The following CAMSAP1 variants were observed in gnomAD, a reference collection of about 807,000 sequenced individuals.
CAMSAP1 encodes the protein calmodulin regulated spectrin associated protein 1.
Under a neutral mutation model 143.5 loss-of-function variants are expected in CAMSAP1, and 58 were observed. That is an observed-to-expected ratio of 0.40 (90% CI 0.33 to 0.50). The LOEUF (loss-of-function observed/expected upper bound fraction) is 0.50. Ranked by LOEUF, CAMSAP1 falls within the 20% of genes least tolerant of loss-of-function variation. The pLI is 0.45. For synonymous variants in CAMSAP1, 945 were observed against 859.3 expected, an observed-to-expected ratio of 1.10 and a Z score of -1.74; for missense variants, 1,969 against 2,115.7, an observed-to-expected ratio of 0.93 and a Z score of 1.36.
At chr9:135,904,788 T>A (rs1838721991) in intron 1 of CAMSAP1, among the ~76,000 whole-genome samples, 1 of 151,610 alleles carries the variant, frequency 6.6e-6, no homozygotes, top group Admixed American at 6.6e-5. Flanking sequence ...CAATATGGAG[T>A]AACCCGTCTC....
At chr9:135,834,800 G>C (rs548096450) in intron 7 of CAMSAP1, among the ~76,000 whole-genome samples, 2 of 152,292 alleles carry the variant, frequency 1.3e-5, no homozygotes, top group East Asian at 3.9e-4. Context: ...GTGAAGAGAT[G>C]GATGTTAACT....
Position 135,820,933 on chromosome 9 carries a change from G to A in CAMSAP1, c.3728C>T (p.Ala1243Val), listed in dbSNP as rs377349956. The A allele has an allele frequency of 2.5e-5, 40 of 1,613,650 alleles. No individual in the cohort carries two copies. Among genetic ancestry groups the A allele is most frequent in the Non-Finnish European group, 3.2e-5 (38 of 1,179,828 alleles). Residue 1243 changes from alanine (A) to valine (V), a missense_variant, in exon 11 of 17, where the codon GCC (alanine) becomes GTC (valine). By Grantham distance (64) the Ala-to-Val change is moderately conservative. Around this residue, in one of 4 missense-constraint regions of CAMSAP1, gnomAD observed 1,390 missense variants for 1,420.8 expected, o/e 0.98. Coordinates refer to ENST00000389532, the MANE Select transcript of CAMSAP1 (RefSeq NM_015447.4). The surrounding 1 kb of genome is among the most constrained non-coding windows in gnomAD (Gnocchi z 4.4). ...TACCAGCTCCCCATCCTCGTCGGGG[G>A]CCTTCAGGTCGGAGAGGTCCACTTC... ...LIEVDLSDLK[A>V]PDEDGELVSL...
chr9:135,903,417 C>T (rs1374035670), intron 1 of CAMSAP1, among the ~76,000 whole-genome samples: 1 of 152,368 alleles, frequency 6.6e-6, no homozygotes, highest in Non-Finnish European at 1.5e-5. Flanking sequence ...AAGCCCAAGG[C>T]GGCCACAATT....
chr9:135,881,830 C>T (rs1473388247), intron 2 of CAMSAP1, 36 bp from the exon 3 acceptor site: 24 of 1,548,594 alleles, frequency 1.5e-5, no homozygotes, highest in Non-Finnish European at 2.0e-5. Flanking sequence ...TCCCTCAAAC[C>T]CACCCCTCTT....
chr9:135,831,266 G>C (rs1453142426), intron 7 of CAMSAP1, among the ~76,000 whole-genome samples: 1 of 152,112 alleles, frequency 6.6e-6, no homozygotes, highest in Non-Finnish European at 1.5e-5. Flanking sequence ...GAAATCAAAA[G>C]GGAATTTTAA....
At chr9:135,903,119 C>T (rs987862624) in intron 1 of CAMSAP1, among the ~76,000 whole-genome samples, 5 of 151,050 alleles carry the variant, frequency 3.3e-5, no homozygotes, top group Non-Finnish European at 5.9e-5. Flanking sequence ...ATGTACAAAA[C>T]GCACAGTGGC....
rs201640141 is a variant in CAMSAP1 at position 135,821,786 on chromosome 9, C to T, written c.2875G>A (p.Val959Met). 23 of 1,613,852 alleles carry T rather than the reference C, an allele frequency of 1.4e-5. No individual in the cohort carries two copies. The highest frequency in any genetic ancestry group is 4.4e-5 in the South Asian group (4 of 91,076). ...AGCTCCTCTCTCTGCTCCTCCTTCA[C>T]GAGAAAGTCTTCGGTTTTGGAAACA... ...DAVSKTEDFL[V>M]KEEQREELLH... Residue 959 changes from valine to methionine, a missense_variant, in exon 11 of 17, where the codon GTG (valine) becomes ATG (methionine). Val to Met is a conservative substitution (Grantham distance 21). This residue lies in a region of CAMSAP1 where 1,390 missense variants were observed against 1,420.8 expected (regional missense o/e 0.98). Coordinates refer to ENST00000389532, the MANE Select transcript of CAMSAP1 (RefSeq NM_015447.4). The surrounding 1 kb of genome is among the most constrained non-coding windows in gnomAD (Gnocchi z 4.6).
In CAMSAP1 at chr9:135,818,214, G is replaced by A; in HGVS notation, c.4169-135C>T. The stretch of plus-strand genomic sequence containing the variant: ...CCGCGTCCCCACCCCATCCCGGGGA[G>A]CCGGGCTGCGCCTGGATGTGCCGCA... On this transcript the variant is annotated intron_variant, in intron 13 of 16. Coordinates refer to ENST00000389532, the MANE Select transcript of CAMSAP1 (RefSeq NM_015447.4). The surrounding 1 kb of genome is among the most constrained non-coding windows in gnomAD (Gnocchi z 7.7). 5 of 1,129,558 alleles carry A rather than the reference G, an allele frequency of 4.4e-6. No homozygotes were observed. 70.0% of individuals were successfully genotyped at this position (1,129,558 alleles called of 1,614,324 possible).
intron 3 of CAMSAP1, among the ~76,000 whole-genome samples, chr9:135,879,497 C>G (rs1390996526): frequency 1.3e-5 from 2 of 151,906 alleles, no homozygotes; most frequent in African/African-American, 4.8e-5. Context: ...GCAATTTTAC[C>G]CAGAATTAAG....
chr9:135,821,496 G>A lies in CAMSAP1; in HGVS notation c.3165C>T (p.Val1055=). Residue 1055 remains valine (V), a synonymous_variant, in exon 11 of 17, where the codon GTC becomes GTT. Transcript: ENST00000389532. This position sits in a 1 kb window ranked among gnomAD's most constrained non-coding sequence, Gnocchi z 4.6. ...AGTTATTCTTAGAGCCTGGCACTGG[G>A]ACTGTGGGGGACTTCATCAGAAGCT... is the stretch of plus-strand genomic sequence containing the variant. ...QEQLLMKSPT[V]PVPGSKNNSQ... 2 of 1,614,056 alleles carry A rather than the reference G, an allele frequency of 1.2e-6. No homozygotes were observed. Among genetic ancestry groups the A allele is most frequent in the Non-Finnish European group, 1.7e-6 (2 of 1,179,892 alleles).
In CAMSAP1 at chr9:135,808,816, CT is replaced by C. The variant is rs1372222529; in HGVS notation, c.*2492del. On this transcript the variant is annotated 3_prime_UTR_variant, in exon 17 of 17. Coordinates refer to ENST00000389532, the MANE Select transcript of CAMSAP1 (RefSeq NM_015447.4). Reference sequence around the variant, plus strand: ...CGCAAGTTTCATTTCTCTTTCAACCCTTCTGGGCTCCCAGAATTCTAGCATT... The same window carrying C: ...CGCAAGTTTCATTTCTCTTTCAACCCTCTGGGCTCCCAGAATTCTAGCATT... 1 of 152,262 alleles carries C rather than the reference CT, an allele frequency of 6.6e-6. No homozygotes were observed. Among genetic ancestry groups the C allele is most frequent in the Non-Finnish European group, 1.5e-5 (1 of 68,038 alleles). 9.4% of individuals were successfully genotyped at this position (152,262 alleles called of 1,614,324 possible). A position where few individuals can be genotyped will look rare whatever the true frequency, so the allele number is the denominator to read the frequency against.
chr9:135,812,439 T>C (rs927509305), intron 16 of CAMSAP1, among the ~76,000 whole-genome samples: 4 of 152,114 alleles, frequency 2.6e-5, no homozygotes, highest in Admixed American at 6.5e-5. Flanking sequence ...TGATGCCAGT[T>C]ATGTAAATGC....
intron 5 of CAMSAP1, among the ~76,000 whole-genome samples, chr9:135,854,773 A>G (rs889314012): frequency 1.3e-5 from 2 of 152,074 alleles, no homozygotes; most frequent in African/African-American, 4.8e-5. Flanking sequence ...ATTTTTGTTA[A>G]CTTTTATTTT....
intron 3 of CAMSAP1, among the ~76,000 whole-genome samples, chr9:135,873,569 C>A (rs1837635618): frequency 1.3e-5 from 2 of 151,802 alleles, no homozygotes; most frequent in South Asian, 4.1e-4. Flanking sequence ...AAAGAAATTG[C>A]CAACCTCAGG....
intron 3 of CAMSAP1, among the ~76,000 whole-genome samples, chr9:135,876,557 AC>A (rs1364874710): frequency 2.0e-5 from 3 of 152,156 alleles, no homozygotes; most frequent in African/African-American, 4.8e-5. Context: ...GTGTAGAGCA[AC>A]CGGAATCCTA....
chr9:135,847,599 A>C (rs954621884), intron 7 of CAMSAP1, among the ~76,000 whole-genome samples: 8 of 150,250 alleles, frequency 5.3e-5, no homozygotes, highest in African/African-American at 2.0e-4. Context: ...GCAAACTAAC[A>C]CAGGAACAGA....
intron 8 of CAMSAP1, among the ~76,000 whole-genome samples, chr9:135,825,537 C>G (rs1835642270): frequency 6.6e-6 from 1 of 152,196 alleles, no homozygotes; most frequent in African/African-American, 2.4e-5. Context: ...AGGCCTCACT[C>G]CCGGGAAGAA....
chr9:135,900,539 C>A (rs1025748190), intron 1 of CAMSAP1, among the ~76,000 whole-genome samples: 2 of 151,556 alleles, frequency 1.3e-5, no homozygotes, highest in African/African-American at 2.4e-5. Context: ...TAAAACAATA[C>A]AAAAAATTAG....
At position 135,818,031 on chromosome 9, in the gene CAMSAP1, G is replaced by C. The variant is rs1001809172; in HGVS notation, c.4217C>G (p.Ser1406Cys). Residue 1406 changes from serine to cysteine, a missense_variant, in exon 14 of 17, where the codon TCT becomes TGT. Physicochemically the swap from Ser to Cys is moderately radical, Grantham distance 112 (BLOSUM62 -1). Transcript: ENST00000389532. This position sits in a 1 kb window ranked among gnomAD's most constrained non-coding sequence, Gnocchi z 7.7. Reference protein sequence around the residue: ...TQSGSSLSLASAATTEPESVH... With the variant: ...TQSGSSLSLACAATTEPESVH... Reference sequence around the variant, plus strand: ...GCTCTCGGGTTCTGTCGTCGCCGCAGAGGCCAAGGACAGGCTGGAGCCTGA... The same window carrying C: ...GCTCTCGGGTTCTGTCGTCGCCGCACAGGCCAAGGACAGGCTGGAGCCTGA... 6.2e-7 allele frequency: 1 copy of C among 1,613,846 alleles called. No individual in the cohort carries two copies. Among genetic ancestry groups the C allele is most frequent in the Non-Finnish European group, 8.5e-7 (1 of 1,179,890 alleles).
Sources: gnomAD v4.1 joint callset for allele counts (sites outside exome capture counted in the v4.1 genomes callset) on GRCh38, gnomAD v4.1.1 for gene constraint, gnomAD v4.1.1 regional missense constraint, Gnocchi (gnomAD v3.1) non-coding constraint, MANE v1.5 for transcripts, NCBI Gene and HGNC (gene_info 2026-07-23, HGNC 2026-07-21) for gene names.